Variants in SAFB observed in about 807,000 individuals in gnomAD.
The protein encoded by SAFB is scaffold attachment factor B.
In SAFB, 15 loss-of-function variants were observed where a neutral mutation model predicts 101.6. The observed-to-expected ratio is 0.15, with a 90% CI of 0.10 to 0.23. SAFB has a LOEUF of 0.23. SAFB is among the 10% of genes least tolerant of loss of function. The pLI is 1.00. For missense variants in SAFB, 930 were observed against 1,104.1 expected (o/e 0.84, Z 2.23); for synonymous variants, 449 against 407.5 (o/e 1.10, Z -1.23).
At chr19:5,625,155 C>T (rs1171365987) in intron 1 of SAFB, among the ~76,000 whole-genome samples, 4 of 152,208 alleles carry the variant, frequency 2.6e-5, no homozygotes, top group African/African-American at 4.8e-5. Flanking sequence ...CTCACCCAAG[C>T]CAGTCTGGAG....
intron 2 of SAFB, among the ~76,000 whole-genome samples, chr19:5,639,395 C>T (rs776688847): frequency 3.3e-5 from 5 of 152,076 alleles, no homozygotes; most frequent in Admixed American, 6.5e-5. Flanking sequence ...AGCTTGGCCA[C>T]ATAAGAGTGA....
At chr19:5,634,738 T>C (rs550568414) in intron 2 of SAFB, among the ~76,000 whole-genome samples, 1 of 152,148 alleles carries the variant, frequency 6.6e-6, no homozygotes, top group South Asian at 2.1e-4. Flanking sequence ...TACAAATAAA[T>C]GAAAAAGCAG....
At chr19:5,658,369 T>G (rs2054113082) in intron 14 of SAFB, among the ~76,000 whole-genome samples, 2 of 152,240 alleles carry the variant, frequency 1.3e-5, no homozygotes, top group Admixed American at 1.3e-4. Context: ...AGCTAATTTA[T>G]TTTTTCTATG....
chr19:5,652,987 G>T, intron 9 of SAFB, 128 bp from the exon 10 acceptor site: 1 of 862,462 alleles, frequency 1.2e-6, no homozygotes. Flanking sequence ...AGCATTAGTA[G>T]CATTGTCCTC....
chr19:5,655,380 A>T (rs929747685), intron 13 of SAFB, among the ~76,000 whole-genome samples: 3 of 151,472 alleles, frequency 2.0e-5, no homozygotes, highest in Admixed American at 6.6e-5. Context: ...ATGCCACTTA[A>T]ACCTGGGAGG....
intron 1 of SAFB, among the ~76,000 whole-genome samples, chr19:5,625,717 TG>T (rs1355609981): frequency 6.6e-6 from 1 of 152,128 alleles, no homozygotes; most frequent in African/African-American, 2.4e-5. Flanking sequence ...GACAGAGTCC[TG>T]GGGTGGGAGG....
Position 5,661,473 on chromosome 19 carries a change from G to T in SAFB, c.1863-45G>T, listed in dbSNP as rs766842499. 3.7e-6 allele frequency: 6 copies of T among 1,603,216 alleles called. No individual in the cohort carries two copies. In the East Asian group the frequency reaches 1.3e-4, roughly 36 times the overall value. On this transcript the variant is annotated intron_variant, in intron 14 of 20. Coordinates refer to ENST00000588852, the MANE Select transcript of SAFB (RefSeq NM_001201338.2). ...TACTTAAAGTCAGCCCTGGGACCTG[G>T]CTGGGGGTGTCTAGGTCCCCTTCTG...
At chr19:5,642,753 C>G (rs1032107652) in intron 4 of SAFB, among the ~76,000 whole-genome samples, 3 of 149,094 alleles carry the variant, frequency 2.0e-5, no homozygotes, top group East Asian at 2.0e-4. Context: ...ACCTCTGCCC[C>G]CTGGGTTCAA....
chr19:5,647,524 G>T (rs1391214649), intron 5 of SAFB, among the ~76,000 whole-genome samples: 1 of 152,136 alleles, frequency 6.6e-6, no homozygotes, highest in Non-Finnish European at 1.5e-5. Context: ...AGATGAAGGA[G>T]GGAGGGTATT....
chr19:5,666,546 C>T (rs1157677943), intron 17 of SAFB: 1 of 165,094 alleles, frequency 6.1e-6, no homozygotes, highest in Non-Finnish European at 1.3e-5. Context: ...GGATGCTTGC[C>T]TAGCAATTGG....
chr19:5,666,338 G>A (rs1483995467), intron 17 of SAFB: 3 of 152,298 alleles, frequency 2.0e-5, no homozygotes, highest in Middle Eastern at 3.2e-3. Context: ...GAAACAGCAG[G>A]GTCAAGAACT....
At chr19:5,643,127 A>G (rs1028259895) in intron 4 of SAFB, among the ~76,000 whole-genome samples, 3 of 152,170 alleles carry the variant, frequency 2.0e-5, no homozygotes, top group African/African-American at 7.2e-5. Context: ...CATGTACTTA[A>G]CTTATGTACG....
chr19:5,637,069 G>A (rs935054653), intron 2 of SAFB, among the ~76,000 whole-genome samples: 1 of 151,346 alleles, frequency 6.6e-6, no homozygotes, highest in Non-Finnish European at 1.5e-5. Context: ...TTTCGGCCGG[G>A]CGTGGTGGCT....
At chr19:5,664,563 G>A (rs980616675) in intron 17 of SAFB, 124 bp downstream of exon 17, 12 of 770,096 alleles carry the variant, frequency 1.6e-5, no homozygotes, top group Non-Finnish European at 1.6e-5. Context: ...GAAAAGTAAA[G>A]CACTAGAAAA....
intron 1 of SAFB, among the ~76,000 whole-genome samples, chr19:5,623,799 A>G (rs926760897): frequency 5.3e-5 from 8 of 152,016 alleles, no homozygotes; most frequent in African/African-American, 1.9e-4. Flanking sequence ...CGGGATTTGA[A>G]CCCAGGCCCT....
chr19:5,667,195 C>CT lies in SAFB; in HGVS notation c.2453+31_2453+32insT. The stretch of plus-strand genomic sequence containing the variant: ...TGTCCCACACCCGACAGTACCTGAC[C>CT]CCCCCCCCGCCCACAAGGGGGCCCG... On this transcript the variant is annotated intron_variant, in intron 18 of 20. Transcript: ENST00000588852. This position sits in a 1 kb window ranked among gnomAD's most constrained non-coding sequence, Gnocchi z 4.0. 3.2e-6 allele frequency: 4 copies of CT among 1,267,874 alleles called. No individual in the cohort carries two copies. The highest frequency in any genetic ancestry group is 4.4e-6 in the Non-Finnish European group (4 of 918,326). The allele number at this position is 1,267,874 out of a possible 1,614,324, so 78.5% of individuals were successfully genotyped here.
At chr19:5,666,719 T>C (rs942491561) in intron 17 of SAFB, 2 of 392,524 alleles carry the variant, frequency 5.1e-6, no homozygotes, top group African/African-American at 4.2e-5. Flanking sequence ...CCATTTGAGC[T>C]GTGGGACCCA....
intron 12 of SAFB, 23 bp from the exon 13 acceptor site, chr19:5,654,345 C>G (rs772256562): frequency 1.2e-6 from 2 of 1,601,922 alleles, no homozygotes; most frequent in African/African-American, 1.3e-5. Context: ...TTTCCACTTA[C>G]ACTTTCCCCG....
chr19:5,646,625 G>GA (rs1599351485), intron 5 of SAFB, among the ~76,000 whole-genome samples: 1 of 152,164 alleles, frequency 6.6e-6, no homozygotes, highest in South Asian at 2.1e-4. Context: ...GGTACATGGG[G>GA]AAAAAACTGA....
Sources: gnomAD v4.1 joint callset for allele counts (sites outside exome capture counted in the v4.1 genomes callset) on GRCh38, gnomAD v4.1.1 for gene constraint, Gnocchi (gnomAD v3.1) non-coding constraint, MANE v1.5 for transcripts, NCBI Gene and HGNC (gene_info 2026-07-23, HGNC 2026-07-21) for gene names.